Variants in ENPEP observed in about 807,000 individuals in gnomAD.
The protein encoded by ENPEP is glutamyl aminopeptidase.
ENPEP carries 103 observed loss-of-function variants against 114.5 expected under a neutral mutation model. The observed-to-expected ratio is 0.90, with a 90% CI of 0.77 to 1.06. The LOEUF (loss-of-function observed/expected upper bound fraction) is 1.06, where lower values mean the gene tolerates loss of function less well. Ranked by LOEUF, ENPEP falls within the 50% of genes least tolerant of loss-of-function variation. ENPEP has a pLI of 0.00. For missense variants in ENPEP, 1,196 were observed against 1,161.3 expected, an observed-to-expected ratio of 1.03 and a Z score of -0.43; for synonymous variants, 420 against 422.0, an observed-to-expected ratio of 1.00 and a Z score of 0.06.
intron 1 of ENPEP, among the ~76,000 whole-genome samples, chr4:110,482,493 T>C (rs1199408925): frequency 6.6e-6 from 1 of 152,102 alleles, no homozygotes; most frequent in African/African-American, 2.4e-5. Flanking sequence ...AAGCACAAGG[T>C]TAGAGCTTGT....
intron 3 of ENPEP, among the ~76,000 whole-genome samples, chr4:110,500,940 G>A (rs1238346955): frequency 4.6e-5 from 7 of 152,064 alleles, no homozygotes; most frequent in African/African-American, 7.2e-5. Context: ...GTCAGAGAGC[G>A]GGAAAAGTGT....
chr4:110,555,420 A>G (rs1727435046), intron 18 of ENPEP, among the ~76,000 whole-genome samples: 1 of 152,056 alleles, frequency 6.6e-6, no homozygotes, highest in Non-Finnish European at 1.5e-5. Context: ...ATTTCTGAAC[A>G]ATTTATGGTC....
chr4:110,545,484 C>A (rs779294054), intron 13 of ENPEP, among the ~76,000 whole-genome samples: 1 of 151,956 alleles, frequency 6.6e-6, no homozygotes, highest in Non-Finnish European at 1.5e-5. Context: ...GGCCAGTCAC[C>A]TGCAATGGGA....
At chr4:110,497,739 C>T (rs563570991) in intron 3 of ENPEP, among the ~76,000 whole-genome samples, 1 of 152,224 alleles carries the variant, frequency 6.6e-6, no homozygotes, top group African/African-American at 2.4e-5. Flanking sequence ...AAACTTCAAA[C>T]CAAGGTTTTG....
intron 3 of ENPEP, among the ~76,000 whole-genome samples, chr4:110,495,342 C>G (rs1724886148): frequency 6.6e-6 from 1 of 152,172 alleles, no homozygotes; most frequent in African/African-American, 2.4e-5. Flanking sequence ...GTGTTGCTTT[C>G]TGAGGTACAG....
chr4:110,488,711 G>A (rs376055579), intron 2 of ENPEP, 29 bp downstream of exon 2: 4 of 1,595,194 alleles, frequency 2.5e-6, no homozygotes, highest in Non-Finnish European at 2.6e-6. Flanking sequence ...TTTTGTTTAT[G>A]CAGAGAGTCT....
chr4:110,534,570 C>T (rs1239665578), intron 11 of ENPEP, among the ~76,000 whole-genome samples: 2 of 122,758 alleles, frequency 1.6e-5, no homozygotes, highest in African/African-American at 6.4e-5. Context: ...TGCAGTGGAG[C>T]GATCTCAGCT....
rs1430591876 is a variant in ENPEP at position 110,542,830 on chromosome 4, A to T, written c.1887A>T (p.Val629=). 2 of 1,613,282 alleles carry T rather than the reference A, an allele frequency of 1.2e-6. No individual in the cohort carries two copies. The highest frequency in any genetic ancestry group is 1.7e-6 in the Non-Finnish European group (2 of 1,179,452). Residue 629 remains valine, a synonymous_variant, in exon 12 of 20, where the codon GTA becomes GTT. Transcript: ENST00000265162. ...CAGATCATATTGGGTTTTATCGTGTAAATTATGAAGTAGCAACTTGGGACT... is the reference window on the plus strand; with the variant it reads ...CAGATCATATTGGGTTTTATCGTGTTAATTATGAAGTAGCAACTTGGGACT... ...INPDHIGFYR[V]NYEVATWDSI... is the part of the protein sequence containing the mutation.
Position 110,491,103 on chromosome 4 carries a change from T to A in ENPEP, c.857T>A (p.Leu286Gln). Reference sequence around the variant, plus strand: ...AAGTCTGTCCCCATGAGCACGTACCTGGTGTGCTTTGCTGTACATCAATTT... The same window carrying A: ...AAGTCTGTCCCCATGAGCACGTACCAGGTGTGCTTTGCTGTACATCAATTT... Reference protein sequence around the residue: ...FEKSVPMSTYLVCFAVHQFDS... With the variant: ...FEKSVPMSTYQVCFAVHQFDS... Residue 286 changes from leucine to glutamine, a missense_variant, in exon 3 of 20, where the codon CTG becomes CAG. Leu to Gln is a moderately radical substitution (Grantham distance 113). Transcript: ENST00000265162. 6.2e-7 allele frequency: 1 copy of A among 1,612,492 alleles called. No homozygotes were observed. The highest frequency in any genetic ancestry group is 8.5e-7 in the Non-Finnish European group (1 of 1,179,836).
chr4:110,528,122 A>G (rs1354697379), intron 10 of ENPEP, among the ~76,000 whole-genome samples: 2 of 152,166 alleles, frequency 1.3e-5, no homozygotes, highest in East Asian at 3.9e-4. Flanking sequence ...CCACCTTCAG[A>G]TACTATTTTC....
chr4:110,557,532 A>G (rs1465892392), intron 18 of ENPEP, among the ~76,000 whole-genome samples: 2 of 152,162 alleles, frequency 1.3e-5, no homozygotes, highest in Non-Finnish European at 2.9e-5. Flanking sequence ...CACACTGACT[A>G]TTTCCTGACC....
intron 3 of ENPEP, among the ~76,000 whole-genome samples, chr4:110,505,461 T>C (rs1008548568): frequency 6.6e-6 from 1 of 152,188 alleles, no homozygotes; most frequent in African/African-American, 2.4e-5. Flanking sequence ...CACTGGTAAT[T>C]TAAGGGATGC....
chr4:110,556,078 TAGA>T (rs1004244436), intron 18 of ENPEP, among the ~76,000 whole-genome samples: 2 of 152,026 alleles, frequency 1.3e-5, no homozygotes, highest in African/African-American at 4.8e-5. Context: ...ACAGAAATTA[TAGA>T]AGGTCACTGA....
chr4:110,555,120 T>C (rs1373637190), intron 18 of ENPEP, among the ~76,000 whole-genome samples: 2 of 152,038 alleles, frequency 1.3e-5, no homozygotes, highest in Non-Finnish European at 2.9e-5. Flanking sequence ...GATAAACTAT[T>C]TCCAGAAGTA....
chr4:110,558,126 A>T (rs1727548607), intron 18 of ENPEP, among the ~76,000 whole-genome samples: 2 of 139,130 alleles, frequency 1.4e-5, no homozygotes, highest in Admixed American at 8.2e-5. Context: ...TTCCCAAGTC[A>T]CAGGGATTAC....
intron 3 of ENPEP, chr4:110,500,162 T>C (rs943821295): frequency 8.5e-5 from 13 of 152,246 alleles, no homozygotes; most frequent in Admixed American, 6.5e-4. Context: ...AAGGAAGTAA[T>C]GGTAATCAAC....
intron 1 of ENPEP, among the ~76,000 whole-genome samples, chr4:110,482,865 C>T (rs1035787412): frequency 6.6e-6 from 1 of 151,896 alleles, no homozygotes; most frequent in Non-Finnish European, 1.5e-5. Flanking sequence ...AAAAATTAGC[C>T]GGGGGTAGTG....
intron 1 of ENPEP, among the ~76,000 whole-genome samples, chr4:110,481,980 GA>G (rs1388776864): frequency 1.3e-5 from 2 of 152,142 alleles, no homozygotes; most frequent in Non-Finnish European, 2.9e-5. Context: ...GTGGGGACAA[GA>G]AAATTAGTTT....
Position 110,494,768 on chromosome 4 carries a change from C to T in ENPEP, c.918+3604C>T, listed in dbSNP as rs551315532. The stretch of plus-strand genomic sequence containing the variant: ...TTTTCTTTTTAAATTAATTGCATTG[C>T]ATTTTGATTCAATGCTAAACAGAGT... On this transcript the variant is annotated intron_variant, in intron 3 of 19. Transcript: ENST00000265162. 6.6e-5 allele frequency among the ~76,000 whole-genome samples: 10 copies of T among 152,254 alleles called. No individual in the cohort carries two copies. In the East Asian group the frequency reaches 1.9e-3, roughly 29 times the overall value.
Sources: gnomAD v4.1 joint callset for allele counts (sites outside exome capture counted in the v4.1 genomes callset) on GRCh38, gnomAD v4.1.1 for gene constraint, MANE v1.5 for transcripts, NCBI Gene and HGNC (gene_info 2026-07-23, HGNC 2026-07-21) for gene names.